The following VAV2 variants were observed in gnomAD, a reference collection of about 807,000 sequenced individuals.
VAV2 encodes vav guanine nucleotide exchange factor 2.
VAV2 carries 67 observed loss-of-function variants against 132.5 expected under a neutral mutation model. The ratio of observed to expected loss-of-function variants is 0.51; its 90% CI spans 0.42 to 0.62. The LOEUF is 0.62. VAV2 is among the 20% of genes least tolerant of loss of function. The pLI is 0.00. For synonymous variants in VAV2, 492 were observed against 443.5 expected, an observed-to-expected ratio of 1.11 and a Z score of -1.37; for missense variants, 938 against 1,153.6, an observed-to-expected ratio of 0.81 and a Z score of 2.71.
intron 1 of VAV2, among the ~76,000 whole-genome samples, chr9:133,964,022 CAT>C (rs10541639): frequency 0.12 from 11,007 of 93,764 alleles, 1,016 homozygotes; most frequent in African/African-American, 0.29. Flanking sequence ...ATTATTCATT[CAT>C]ATATATATAT....
At chr9:133,968,224 T>C (rs1462176419) in intron 1 of VAV2, among the ~76,000 whole-genome samples, 2 of 152,138 alleles carry the variant, frequency 1.3e-5, no homozygotes, top group East Asian at 1.9e-4. Flanking sequence ...CACAAAGAAA[T>C]GCCACATGTT....
chr9:133,933,539 G>GTGGA (rs142955359), intron 2 of VAV2, among the ~76,000 whole-genome samples: 8 of 147,266 alleles, frequency 5.4e-5, no homozygotes, highest in Admixed American at 1.4e-4. Flanking sequence ...GAATGGATGA[G>GTGGA]TGGATGGATG....
chr9:133,850,316 C>T (rs760254549), intron 3 of VAV2, among the ~76,000 whole-genome samples: 9 of 152,212 alleles, frequency 5.9e-5, no homozygotes, highest in Non-Finnish European at 1.2e-4. Flanking sequence ...TCTGCCCTGA[C>T]CCAGGTACAG....
chr9:133,909,111 G>A (rs1839783260), intron 2 of VAV2, among the ~76,000 whole-genome samples: 1 of 152,266 alleles, frequency 6.6e-6, no homozygotes, highest in Non-Finnish European at 1.5e-5. Context: ...TCGCGAGGAA[G>A]GATGGATTTG....
rs555157531 is a variant in VAV2 at position 133,842,875 on chromosome 9, A to T, written c.381-8535T>A. Among the ~76,000 whole-genome samples the T allele has an allele frequency of 4.6e-5, 7 of 152,368 alleles. No homozygotes were observed. The South Asian group carries it at 1.4e-3, about 32-fold the overall frequency. Reference sequence around the variant, plus strand: ...TGTGCCGGGGAAACAGCAGCCAGGCAAACTTGAAAGGCACCATCAGGAAGC... The same window carrying T: ...TGTGCCGGGGAAACAGCAGCCAGGCTAACTTGAAAGGCACCATCAGGAAGC... On this transcript the variant is annotated intron_variant, in intron 3 of 29. Coordinates refer to ENST00000371850, the MANE Select transcript of VAV2 (RefSeq NM_001134398.2).
At chr9:133,866,542 G>A (rs947426579) in intron 2 of VAV2, among the ~76,000 whole-genome samples, 5 of 152,140 alleles carry the variant, frequency 3.3e-5, no homozygotes, top group South Asian at 2.1e-4. Context: ...GGTGGCTCAC[G>A]CCTGTAATCC....
At chr9:133,882,342 G>T (rs907215047) in intron 2 of VAV2, among the ~76,000 whole-genome samples, 1 of 152,244 alleles carries the variant, frequency 6.6e-6, no homozygotes, top group Non-Finnish European at 1.5e-5. Context: ...TGCCTGGCCC[G>T]AACATGCTGC....
intron 24 of VAV2, among the ~76,000 whole-genome samples, chr9:133,775,531 C>T (rs527483950): frequency 3.3e-5 from 5 of 152,272 alleles, no homozygotes; most frequent in South Asian, 2.1e-4. Context: ...GATTTTGAAA[C>T]GAAGCTCTTC....
intron 1 of VAV2, among the ~76,000 whole-genome samples, chr9:133,978,368 C>G (rs1225462053): frequency 6.6e-6 from 1 of 152,192 alleles, no homozygotes; most frequent in Admixed American, 6.5e-5. Context: ...AGGCAGGCAC[C>G]CCCTCCCCAC....
chr9:133,802,500 T>G lies in VAV2; in HGVS notation c.836+3581A>C, dbSNP rs1834973330. Among the ~76,000 whole-genome samples, 1 of 147,354 alleles carries G rather than the reference T, an allele frequency of 6.8e-6. No homozygotes were observed. Among genetic ancestry groups the G allele is most frequent in the African/African-American group, 2.5e-5 (1 of 39,918 alleles). On this transcript the variant is annotated intron_variant, in intron 9 of 29. Coordinates refer to ENST00000371850, the MANE Select transcript of VAV2 (RefSeq NM_001134398.2). The surrounding 1 kb of genome is among the most constrained non-coding windows in gnomAD (Gnocchi z 5.8). ...CTGATAGAGGACATGGCCCCAAAGG[T>G]CTCAGTGTGGTCACCTTGCAAGGCA...
rs568335134 is a variant in VAV2 at position 133,828,990 on chromosome 9, G to A, written c.449+5282C>T. Among the ~76,000 whole-genome samples the A allele has an allele frequency of 1.0e-3, 154 of 152,212 alleles. 2 individuals are homozygous for A. In the South Asian group the frequency reaches 0.026, roughly 26 times the overall value. ...TCCTTGCTTTCTGACCCAGCACTCC[G>A]CCAGCCCCACTCTGCTCCCACAGCC... On this transcript the variant is annotated intron_variant, in intron 4 of 29. Transcript: ENST00000371850.
rs138598555 is a variant in VAV2, at chr9:133,971,258, A to G, written c.204+20817T>C. On this transcript the variant is annotated intron_variant, in intron 1 of 29. Coordinates refer to ENST00000371850, the MANE Select transcript of VAV2 (RefSeq NM_001134398.2). ...GGGCAGGGAAAGCCCTCTGGGGGTCAGACCCACTTGGCCCCTCGGTGTTTA... is the reference window on the plus strand; with the variant it reads ...GGGCAGGGAAAGCCCTCTGGGGGTCGGACCCACTTGGCCCCTCGGTGTTTA... Among the ~76,000 whole-genome samples, 40 of 152,312 alleles carry G rather than the reference A, an allele frequency of 2.6e-4. No homozygotes were observed. The East Asian group carries it at 7.3e-3, about 28-fold the overall frequency.
At chr9:133,825,045 C>A (rs1263330975) in intron 4 of VAV2, among the ~76,000 whole-genome samples, 1 of 152,228 alleles carries the variant, frequency 6.6e-6, no homozygotes, top group Non-Finnish European at 1.5e-5. Context: ...TTTGAGGGAG[C>A]CACATGCGGC....
Position 133,840,078 on chromosome 9 carries a change from G to A in VAV2, c.381-5738C>T, listed in dbSNP as rs542012353. Reference sequence around the variant, plus strand: ...CCCTACCCACACCTTGCCCTGTGGCGTTGCCTTGCTCGTTAAGAGCAGGGA... The same window carrying A: ...CCCTACCCACACCTTGCCCTGTGGCATTGCCTTGCTCGTTAAGAGCAGGGA... On this transcript the variant is annotated intron_variant, in intron 3 of 29. Coordinates refer to ENST00000371850, the MANE Select transcript of VAV2 (RefSeq NM_001134398.2). This position sits in a 1 kb window ranked among gnomAD's most constrained non-coding sequence, Gnocchi z 4.5. 1.2e-4 allele frequency among the ~76,000 whole-genome samples: 19 copies of A among 152,230 alleles called. No homozygotes were observed. Among genetic ancestry groups the A allele is most frequent in the Admixed American group, 1.2e-3 (18 of 15,308 alleles).
chr9:133,861,246 G>A (rs887719116), intron 3 of VAV2, 128 bp downstream of exon 3: 4 of 957,568 alleles, frequency 4.2e-6, no homozygotes, highest in South Asian at 2.2e-5. Flanking sequence ...GCGACAACAC[G>A]CTGCAAATGC....
chr9:133,784,563 A>C lies in VAV2; in HGVS notation c.1533-145T>G, dbSNP rs369975059. 6.3e-4 allele frequency: 522 copies of C among 822,916 alleles called. 6 individuals are homozygous for C. In the South Asian group the frequency reaches 7.6e-3, roughly 12 times the overall value. 51.0% of individuals were successfully genotyped at this position (822,916 alleles called of 1,614,324 possible). A position where few individuals can be genotyped will look rare whatever the true frequency, so the allele number is the denominator to read the frequency against. On this transcript the variant is annotated intron_variant, in intron 17 of 29. Transcript: ENST00000371850. Reference sequence around the variant, plus strand: ...GGACTCCAAGCCTGGCTCTGCCCGCAACATGGGGCAGACTCAGGGCCCAGA... The same window carrying C: ...GGACTCCAAGCCTGGCTCTGCCCGCCACATGGGGCAGACTCAGGGCCCAGA...
At chr9:133,874,958 G>A (rs1341345839) in intron 2 of VAV2, among the ~76,000 whole-genome samples, 2 of 152,176 alleles carry the variant, frequency 1.3e-5, no homozygotes, top group Non-Finnish European at 2.9e-5. Context: ...TACACACAGA[G>A]AAGACGGGTC....
At position 133,794,623 on chromosome 9, in the gene VAV2, C is replaced by T. The variant is rs973200375; in HGVS notation, c.1101+1045G>A. Among the ~76,000 whole-genome samples the T allele has an allele frequency of 2.6e-5, 4 of 152,262 alleles. No homozygotes were observed. The highest frequency in any genetic ancestry group is 3.9e-4 in the East Asian group (2 of 5,164). ...AAGCCCAGGGGGGCTGCCCAGAGGG[C>T]AGGGGCCAGGTGTCAGAGGGCAGGA... is the stretch of plus-strand genomic sequence containing the variant. On this transcript the variant is annotated intron_variant, in intron 12 of 29. Transcript: ENST00000371850. The surrounding 1 kb of genome is among the most constrained non-coding windows in gnomAD (Gnocchi z 4.6).
intron 9 of VAV2, among the ~76,000 whole-genome samples, chr9:133,800,646 T>C (rs1405149568): frequency 1.3e-5 from 2 of 152,178 alleles, no homozygotes; most frequent in Non-Finnish European, 2.9e-5. Flanking sequence ...GCCCAGCGGA[T>C]AACATGCCTG....
Sources: allele counts gnomAD v4.1 joint callset (sites outside exome capture counted in the v4.1 genomes callset), GRCh38; gene constraint gnomAD v4.1.1; non-coding constraint Gnocchi (gnomAD v3.1); transcripts MANE v1.5; gene names NCBI Gene and HGNC (gene_info 2026-07-23, HGNC 2026-07-21).